The following INVS variants were observed in gnomAD, a reference collection of about 807,000 sequenced individuals.
The protein encoded by INVS is inversin, also known as inversion of embryo turning homolog.
Under a neutral mutation model 108.8 loss-of-function variants are expected in INVS, and 86 were observed. That is an observed-to-expected ratio of 0.79 (90% CI 0.66 to 0.95). The LOEUF is 0.95. Ranked by LOEUF, INVS falls within the 40% of genes least tolerant of loss-of-function variation. The pLI is 0.00. For missense variants in INVS, 1,169 were observed against 1,297.4 expected, an observed-to-expected ratio of 0.90 and a Z score of 1.52; for synonymous variants, 455 against 473.5, an observed-to-expected ratio of 0.96 and a Z score of 0.51.
At chr9:100,299,904 CAA>C (rs1257571097) in intron 16 of INVS, among the ~76,000 whole-genome samples, 1 of 151,976 alleles carries the variant, frequency 6.6e-6, no homozygotes, top group Non-Finnish European at 1.5e-5. Context: ...GTTATAAAAC[CAA>C]GAGAGAAAAA....
At position 100,292,686 on chromosome 9, in the gene INVS, G is replaced by T; in HGVS notation, c.2429G>T (p.Arg810Leu). The T allele has an allele frequency of 5.6e-6, 9 of 1,614,170 alleles. No individual in the cohort carries two copies. Among genetic ancestry groups the T allele is most frequent in the Non-Finnish European group, 7.6e-6 (9 of 1,180,014 alleles). ...GGRCSPAGSS[R>L]PGSARGEAVH... is the part of the protein sequence containing the mutation. ...AGGTGCTCTCCGGCTGGTTCTAGCC[G>T]CCCTGGCAGTGCCCGGGGGGAGGCG... Residue 810 changes from arginine (R) to leucine (L), a missense_variant, in exon 14 of 17, where the codon CGC (arginine) becomes CTC (leucine). Coordinates refer to ENST00000262457, the MANE Select transcript of INVS (RefSeq NM_014425.5).
At chr9:100,176,946 C>G (rs1829732221) in intron 3 of INVS, among the ~76,000 whole-genome samples, 1 of 151,448 alleles carries the variant, frequency 6.6e-6, no homozygotes, top group Middle Eastern at 3.4e-3. Flanking sequence ...GACATCAGTA[C>G]TAGTTTGCCT....
intron 3 of INVS, among the ~76,000 whole-genome samples, chr9:100,205,706 A>G (rs1830654623): frequency 6.6e-6 from 1 of 151,856 alleles, no homozygotes; most frequent in South Asian, 2.1e-4. Flanking sequence ...ATTATAAATT[A>G]TACTTTACAA....
intron 11 of INVS, among the ~76,000 whole-genome samples, chr9:100,268,492 A>G (rs1210464277): frequency 6.6e-6 from 1 of 152,108 alleles, no homozygotes; most frequent in Non-Finnish European, 1.5e-5. Flanking sequence ...CCCCAGCCTC[A>G]TTTTCGTAGC....
At chr9:100,248,745 A>G (rs1832127392) in intron 8 of INVS, among the ~76,000 whole-genome samples, 1 of 151,942 alleles carries the variant, frequency 6.6e-6, no homozygotes, top group Admixed American at 6.6e-5. Context: ...TGTAAATCAC[A>G]TTTCCCCTTT....
chr9:100,233,406 T>C (rs1831575754), intron 5 of INVS, among the ~76,000 whole-genome samples: 1 of 152,178 alleles, frequency 6.6e-6, no homozygotes, highest in African/African-American at 2.4e-5. Context: ...TCCAATACTA[T>C]GTTGAATAGG....
Position 100,138,493 on chromosome 9 carries a change from T to A in INVS, c.273+11944T>A, listed in dbSNP as rs1297029476. Among the ~76,000 whole-genome samples the A allele has an allele frequency of 3.9e-5, 6 of 152,062 alleles. No individual in the cohort carries two copies. The East Asian group carries it at 1.2e-3, about 29-fold the overall frequency. On this transcript the variant is annotated intron_variant, in intron 3 of 16. Coordinates refer to ENST00000262457, the MANE Select transcript of INVS (RefSeq NM_014425.5). ...TATTCTTTAATTGGAAACATTAGAT[T>A]TGAGTTGAAGAAACATTATCATATA... is the stretch of plus-strand genomic sequence containing the variant.
chr9:100,148,020 CAAAAAAA>C (rs551874913), intron 3 of INVS, among the ~76,000 whole-genome samples: 99 of 79,106 alleles, frequency 1.3e-3, no homozygotes, highest in African/African-American at 2.6e-3. Flanking sequence ...CCTGTCTCTA[CAAAAAAA>C]AAAAAAAAAA....
At chr9:100,293,986 G>A (rs2118769149) in intron 14 of INVS, among the ~76,000 whole-genome samples, 1 of 152,208 alleles carries the variant, frequency 6.6e-6, no homozygotes, top group East Asian at 1.9e-4. Context: ...CAGGAAACAC[G>A]GCCAAACTCC....
chr9:100,298,495 A>G (rs961569967), intron 16 of INVS, among the ~76,000 whole-genome samples: 2 of 152,018 alleles, frequency 1.3e-5, no homozygotes, highest in Admixed American at 6.6e-5. Flanking sequence ...CCAAGACAAG[A>G]GTGTTTTACT....
intron 3 of INVS, among the ~76,000 whole-genome samples, chr9:100,205,160 A>G (rs1406141885): frequency 6.6e-6 from 1 of 152,180 alleles, no homozygotes; most frequent in Non-Finnish European, 1.5e-5. Flanking sequence ...TCACATTAGT[A>G]TCAGAAGTTT....
rs535524381 is a variant in INVS, at chr9:100,280,793, G to A, written c.1785-3527G>A. On this transcript the variant is annotated intron_variant, in intron 12 of 16. Transcript: ENST00000262457. ...AGAGCTAAGGACTAAACACTACGTC[G>A]AAAGCTAGTTATGGCTGAGTGTGGT... Among the ~76,000 whole-genome samples the A allele has an allele frequency of 3.3e-5, 5 of 152,242 alleles. No homozygotes were observed. In the South Asian group the frequency reaches 8.3e-4, roughly 25 times the overall value.
intron 14 of INVS, 71 bp downstream of exon 14, chr9:100,293,114 T>C: frequency 2.1e-6 from 3 of 1,447,406 alleles, no homozygotes; most frequent in Middle Eastern, 2.4e-4. Context: ...ATCTGTGCTC[T>C]TTGATGTTTT....
At chr9:100,194,625 AG>A (rs1830320501) in intron 3 of INVS, among the ~76,000 whole-genome samples, 2 of 152,218 alleles carry the variant, frequency 1.3e-5, no homozygotes, top group South Asian at 4.1e-4. Flanking sequence ...AGAAGTGATT[AG>A]AGTAGACATC....
At chr9:100,220,961 C>A (rs1381293080) in intron 3 of INVS, among the ~76,000 whole-genome samples, 9 of 133,442 alleles carry the variant, frequency 6.7e-5, no homozygotes, top group African/African-American at 2.6e-4. Flanking sequence ...GGCAACAGAG[C>A]AAGACTCTGT....
chr9:100,120,115 A>C (rs1827677571), intron 2 of INVS, among the ~76,000 whole-genome samples: 1 of 152,170 alleles, frequency 6.6e-6, no homozygotes, highest in Non-Finnish European at 1.5e-5. Flanking sequence ...AGGTTCTAAA[A>C]CATATGGGAG....
At chr9:100,298,145 T>G in intron 16 of INVS, 135 bp downstream of exon 16, 1 of 1,551,928 alleles carries the variant, frequency 6.4e-7, no homozygotes, top group East Asian at 2.4e-5. Flanking sequence ...TTCATGGGAT[T>G]ATTACTGTAG....
intron 11 of INVS, among the ~76,000 whole-genome samples, chr9:100,270,088 G>A (rs1279692687): frequency 6.6e-6 from 1 of 151,680 alleles, no homozygotes; most frequent in Non-Finnish European, 1.5e-5. Context: ...ACCATTGTTG[G>A]ATGGTAGAAT....
chr9:100,203,722 C>T (rs912676878), intron 3 of INVS, among the ~76,000 whole-genome samples: 4 of 151,934 alleles, frequency 2.6e-5, no homozygotes, highest in South Asian at 2.1e-4. Flanking sequence ...AGATTGGTCT[C>T]GAACTCCTGA....
Sources: gnomAD v4.1 joint callset for allele counts (sites outside exome capture counted in the v4.1 genomes callset) on GRCh38, gnomAD v4.1.1 for gene constraint, MANE v1.5 for transcripts, NCBI Gene and HGNC (gene_info 2026-07-23, HGNC 2026-07-21) for gene names.